The following PRKCH variants were observed in gnomAD, a reference collection of about 807,000 sequenced individuals.
PRKCH encodes protein kinase C eta type.
PRKCH carries 28 observed loss-of-function variants against 82.5 expected under a neutral mutation model. That is an observed-to-expected ratio of 0.34 (90% CI 0.25 to 0.47). The LOEUF is 0.47. PRKCH is among the 20% of genes least tolerant of loss of function. The pLI, the probability that PRKCH is intolerant of heterozygous loss-of-function variation, is 1.00. For synonymous variants in PRKCH, 322 were observed against 327.4 expected (o/e 0.98, Z 0.18); for missense variants, 705 against 881.8 (o/e 0.80, Z 2.54).
chr14:61,514,186 C>T (rs528162692), intron 10 of PRKCH, among the ~76,000 whole-genome samples: 4 of 151,948 alleles, frequency 2.6e-5, no homozygotes, highest in African/African-American at 4.8e-5. Context: ...CTGGCTGACC[C>T]GTCTGCTCAC....
chr14:61,542,234 G>A (rs2043196723), intron 12 of PRKCH, among the ~76,000 whole-genome samples: 1 of 151,960 alleles, frequency 6.6e-6, no homozygotes. Flanking sequence ...AGGTTGCAGT[G>A]AGCCAAAATT....
intron 1 of PRKCH, among the ~76,000 whole-genome samples, chr14:61,357,658 T>A (rs1276592399): frequency 6.6e-6 from 1 of 152,208 alleles, no homozygotes; most frequent in Non-Finnish European, 1.5e-5. Flanking sequence ...ATAGTCCTTA[T>A]CTTTCTGGAG....
chr14:61,534,767 C>T (rs892799019), intron 12 of PRKCH, among the ~76,000 whole-genome samples: 10 of 152,034 alleles, frequency 6.6e-5, no homozygotes, highest in African/African-American at 2.2e-4. Context: ...AAGAACACAC[C>T]CTAGACCTCA....
intron 1 of PRKCH, among the ~76,000 whole-genome samples, chr14:61,195,096 T>C (rs1013512209): frequency 6.6e-6 from 1 of 152,220 alleles, no homozygotes; most frequent in African/African-American, 2.4e-5. Flanking sequence ...CTTTTTCCAT[T>C]TCTCTATATT....
chr14:61,334,928 C>A (rs1386621867), intron 1 of PRKCH, among the ~76,000 whole-genome samples: 1 of 151,904 alleles, frequency 6.6e-6, no homozygotes, highest in Non-Finnish European at 1.5e-5. Context: ...TCTTGAACTC[C>A]TGGGCTCAGG....
intron 1 of PRKCH, among the ~76,000 whole-genome samples, chr14:61,311,639 C>A (rs2045524723): frequency 6.6e-6 from 1 of 152,200 alleles, no homozygotes; most frequent in Non-Finnish European, 1.5e-5. Flanking sequence ...CTGTATTAGT[C>A]TGTTTTCACA....
intron 2 of PRKCH, among the ~76,000 whole-genome samples, chr14:61,431,041 G>A (rs548811026): frequency 1.3e-4 from 20 of 152,334 alleles, no homozygotes; most frequent in African/African-American, 3.1e-4. Context: ...GGCGTGAGCC[G>A]CGGCACCCGG....
chr14:61,331,616 A>G (rs1258903082), intron 1 of PRKCH, among the ~76,000 whole-genome samples: 1 of 152,248 alleles, frequency 6.6e-6, no homozygotes, highest in Non-Finnish European at 1.5e-5. Context: ...AATGGGTGTC[A>G]GGAGAACTGG....
At chr14:61,377,748 C>T (rs1162943222) in intron 1 of PRKCH, among the ~76,000 whole-genome samples, 1 of 152,180 alleles carries the variant, frequency 6.6e-6, no homozygotes, top group Non-Finnish European at 1.5e-5. Flanking sequence ...ACTCCTTTGG[C>T]CTTTCCACTG....
intron 1 of PRKCH, among the ~76,000 whole-genome samples, chr14:61,376,708 C>T (rs563113665): frequency 1.3e-5 from 2 of 152,150 alleles, no homozygotes; most frequent in Non-Finnish European, 2.9e-5. Context: ...CATCTACACC[C>T]CTCTAGTTTG....
rs558628677 is a variant in PRKCH, at chr14:61,482,204, C to G, written c.1279-3298C>G. Among the ~76,000 whole-genome samples, 24 of 152,076 alleles carry G rather than the reference C, an allele frequency of 1.6e-4. No individual in the cohort carries two copies. The East Asian group carries it at 4.6e-3, about 29-fold the overall frequency. On this transcript the variant is annotated intron_variant, in intron 9 of 13. Transcript: ENST00000332981. ...TAGAGACGGGGTTTCACCACGTTGC[C>G]CAGGCTGGTTTTGAACTTCTGACCT... is the stretch of plus-strand genomic sequence containing the variant.
intron 10 of PRKCH, among the ~76,000 whole-genome samples, chr14:61,523,916 A>G (rs991477530): frequency 6.6e-6 from 1 of 152,240 alleles, no homozygotes; most frequent in Non-Finnish European, 1.5e-5. Context: ...GAGGGAGTCG[A>G]TGTAGCGAGG....
At chr14:61,523,023 CA>C (rs1186445538) in intron 10 of PRKCH, among the ~76,000 whole-genome samples, 1 of 152,232 alleles carries the variant, frequency 6.6e-6, no homozygotes, top group Non-Finnish European at 1.5e-5. Flanking sequence ...CCCAGGCACT[CA>C]AAACACAAGC....
intron 1 of PRKCH, chr14:61,305,119 A>T (rs957092464): frequency 1.3e-5 from 2 of 151,908 alleles, no homozygotes; most frequent in Non-Finnish European, 2.9e-5. Context: ...AAATTAGAGA[A>T]TTTTTTTAAA....
At position 61,428,320 on chromosome 14, in the gene PRKCH, T is replaced by C. The variant is rs182397951; in HGVS notation, c.428-14791T>C. 2.9e-3 allele frequency among the ~76,000 whole-genome samples: 442 copies of C among 152,128 alleles called. 3 individuals carry two copies. Among genetic ancestry groups the C allele is most frequent in the African/African-American group, 9.9e-3 (412 of 41,476 alleles). Reference sequence around the variant, plus strand: ...TTTGTAACAATAAGGGTCTATTCTGTCGGTTTTAGGTCTCTATTTTAGTGT... The same window carrying C: ...TTTGTAACAATAAGGGTCTATTCTGCCGGTTTTAGGTCTCTATTTTAGTGT... On this transcript the variant is annotated intron_variant, in intron 2 of 13. Coordinates refer to ENST00000332981, the MANE Select transcript of PRKCH (RefSeq NM_006255.5).
intron 9 of PRKCH, among the ~76,000 whole-genome samples, chr14:61,470,002 A>T (rs921574111): frequency 1.3e-5 from 2 of 151,728 alleles, no homozygotes; most frequent in African/African-American, 4.8e-5. Flanking sequence ...TGTTCATCTT[A>T]TAGTCTCAGC....
intron 10 of PRKCH, among the ~76,000 whole-genome samples, chr14:61,515,162 T>G (rs1294570014): frequency 1.3e-5 from 2 of 152,142 alleles, no homozygotes; most frequent in Non-Finnish European, 2.9e-5. Flanking sequence ...TCCTAAGCAA[T>G]AGACAGGGAG....
intron 1 of PRKCH, among the ~76,000 whole-genome samples, chr14:61,323,185 C>T (rs188588096): frequency 6.6e-6 from 1 of 152,172 alleles, no homozygotes; most frequent in Non-Finnish European, 1.5e-5. Flanking sequence ...CTTCCCTCCC[C>T]CCATCACCAG....
chr14:61,508,898 GT>G (rs1304208945), intron 10 of PRKCH, among the ~76,000 whole-genome samples: 1 of 152,194 alleles, frequency 6.6e-6, no homozygotes, highest in Admixed American at 6.5e-5. Flanking sequence ...CTAGAGTCAA[GT>G]TTTTTTCTGT....
Sources: gnomAD v4.1 joint callset for allele counts (sites outside exome capture counted in the v4.1 genomes callset) on GRCh38, gnomAD v4.1.1 for gene constraint, MANE v1.5 for transcripts, NCBI Gene and HGNC (gene_info 2026-07-23, HGNC 2026-07-21) for gene names.